Variants in CSMD1 observed in about 807,000 individuals in gnomAD.
The protein encoded by CSMD1 is CUB and Sushi multiple domains 1, also known as CUB and sushi domain-containing protein 1.
In CSMD1, 213 loss-of-function variants were observed where a neutral mutation model predicts 417.5. The observed-to-expected ratio is 0.51, with a 90% CI of 0.46 to 0.57. The LOEUF is 0.57. CSMD1 is among the 20% of genes least tolerant of loss of function. CSMD1 has a pLI of 0.00. For synonymous variants in CSMD1, 2,862 were observed against 1,736.8 expected, an observed-to-expected ratio of 1.65 and a Z score of -16.11; for missense variants, 6,923 against 4,529.7, an observed-to-expected ratio of 1.53 and a Z score of -15.17.
At chr8:3,064,242 C>A (rs1812772201) in intron 49 of CSMD1, among the ~76,000 whole-genome samples, 1 of 152,164 alleles carries the variant, frequency 6.6e-6, no homozygotes, top group Non-Finnish European at 1.5e-5. Context: ...GATTTGTGTA[C>A]CTGCCCAAAT....
chr8:4,711,469 T>C (rs931155771), intron 1 of CSMD1, among the ~76,000 whole-genome samples: 1 of 152,174 alleles, frequency 6.6e-6, no homozygotes, highest in African/African-American at 2.4e-5. Flanking sequence ...GTACCTTTTA[T>C]TTTTGTAAAG....
At chr8:4,493,100 T>C (rs987200988) in intron 2 of CSMD1, among the ~76,000 whole-genome samples, 2 of 152,180 alleles carry the variant, frequency 1.3e-5, no homozygotes, top group African/African-American at 4.8e-5. Context: ...TACTGAACCA[T>C]CTGTATTCTG....
At chr8:4,799,358 T>C (rs750664426) in intron 1 of CSMD1, among the ~76,000 whole-genome samples, 5 of 151,930 alleles carry the variant, frequency 3.3e-5, no homozygotes, top group Non-Finnish European at 5.9e-5. Context: ...TGACGAGTAA[T>C]TTTAGCCCTA....
intron 3 of CSMD1, among the ~76,000 whole-genome samples, chr8:4,146,103 C>A (rs1203720495): frequency 6.6e-6 from 1 of 150,926 alleles, no homozygotes; most frequent in Admixed American, 6.6e-5. Flanking sequence ...CACACACCAA[C>A]ATAATGGCAG....
At chr8:4,240,705 A>T (rs1563322880) in intron 3 of CSMD1, among the ~76,000 whole-genome samples, 1 of 152,210 alleles carries the variant, frequency 6.6e-6, no homozygotes, top group Non-Finnish European at 1.5e-5. Context: ...ACCACAATTT[A>T]AAAAATGCAG....
chr8:3,273,485 TG>T (rs201090028), intron 26 of CSMD1, among the ~76,000 whole-genome samples: 42,990 of 151,962 alleles, frequency 0.28, 6,162 homozygotes, highest in Non-Finnish European at 0.31. Context: ...TTCTATTGAT[TG>T]GAATAGTTTC....
intron 5 of CSMD1, among the ~76,000 whole-genome samples, chr8:3,807,909 T>C (rs1228979223): frequency 6.6e-6 from 1 of 152,166 alleles, no homozygotes; most frequent in African/African-American, 2.4e-5. Context: ...AGTAATCACA[T>C]AGAAAAAATA....
At chr8:3,111,476 T>G (rs1816511574) in intron 42 of CSMD1, among the ~76,000 whole-genome samples, 1 of 152,130 alleles carries the variant, frequency 6.6e-6, no homozygotes. Flanking sequence ...CCTGGGAGCC[T>G]CCACTTCTAT....
intron 1 of CSMD1, among the ~76,000 whole-genome samples, chr8:4,824,740 C>G (rs966759702): frequency 6.6e-6 from 1 of 152,134 alleles, no homozygotes; most frequent in Non-Finnish European, 1.5e-5. Flanking sequence ...AATAACACTG[C>G]TGGAACTTGT....
At chr8:3,717,037 T>C (rs891129255) in intron 6 of CSMD1, among the ~76,000 whole-genome samples, 1 of 152,158 alleles carries the variant, frequency 6.6e-6, no homozygotes, top group Non-Finnish European at 1.5e-5. Context: ...CTTGAAATGG[T>C]AGAAGCAGGG....
intron 26 of CSMD1, among the ~76,000 whole-genome samples, chr8:3,272,255 A>AT (rs1336022183): frequency 2.1e-5 from 3 of 143,414 alleles, no homozygotes; most frequent in Non-Finnish European, 4.6e-5. Flanking sequence ...ATGCGGCGTT[A>AT]TTTCTGAGGG....
At chr8:3,331,218 A>G (rs1304359337) in intron 23 of CSMD1, among the ~76,000 whole-genome samples, 1 of 148,176 alleles carries the variant, frequency 6.7e-6, no homozygotes, top group Admixed American at 6.8e-5. Context: ...AGCCTGGCCG[A>G]CAGAACGAGA....
At chr8:3,400,271 A>T (rs1043423340) in intron 15 of CSMD1, among the ~76,000 whole-genome samples, 1 of 152,172 alleles carries the variant, frequency 6.6e-6, no homozygotes, top group African/African-American at 2.4e-5. Context: ...TTTCTTTCAG[A>T]TTTTATGTAT....
intron 1 of CSMD1, among the ~76,000 whole-genome samples, chr8:4,820,289 C>A (rs1370879339): frequency 6.6e-6 from 1 of 152,208 alleles, no homozygotes; most frequent in Non-Finnish European, 1.5e-5. Flanking sequence ...GAACACAGGG[C>A]TGGGCACAGT....
chr8:3,818,839 C>A (rs1585043232), intron 5 of CSMD1, among the ~76,000 whole-genome samples: 1 of 152,286 alleles, frequency 6.6e-6, no homozygotes, highest in Middle Eastern at 3.4e-3. Flanking sequence ...CTGTGAATGA[C>A]AAGATCCCTT....
At chr8:4,458,261 AC>A in intron 2 of CSMD1, among the ~76,000 whole-genome samples, 1 of 152,228 alleles carries the variant, frequency 6.6e-6, no homozygotes, top group Non-Finnish European at 1.5e-5. Flanking sequence ...CAGAGTAACC[AC>A]AAAAAATGAC....
chr8:3,595,106 A>T (rs1801029409), intron 8 of CSMD1, among the ~76,000 whole-genome samples: 1 of 152,176 alleles, frequency 6.6e-6, no homozygotes, highest in Non-Finnish European at 1.5e-5. Context: ...CGATTGTCCT[A>T]TAAGGGAGTT....
At chr8:4,625,023 T>C (rs751905522) in intron 2 of CSMD1, among the ~76,000 whole-genome samples, 8 of 152,116 alleles carry the variant, frequency 5.3e-5, no homozygotes, top group Non-Finnish European at 8.8e-5. Flanking sequence ...GCTTATACCA[T>C]AGAGATCATG....
intron 7 of CSMD1, among the ~76,000 whole-genome samples, chr8:3,663,081 G>A (rs535946351): frequency 6.6e-6 from 1 of 152,118 alleles, no homozygotes; most frequent in Non-Finnish European, 1.5e-5. Flanking sequence ...AGCAAAATCA[G>A]AGCCCCACAG....
Sources: gnomAD v4.1 joint callset for allele counts (sites outside exome capture counted in the v4.1 genomes callset) on GRCh38, gnomAD v4.1.1 for gene constraint, MANE v1.5 for transcripts, NCBI Gene and HGNC (gene_info 2026-07-23, HGNC 2026-07-21) for gene names.